Variants in PPARGC1A observed in about 807,000 individuals in gnomAD.
PPARGC1A encodes the protein PPARG coactivator 1 alpha.
In PPARGC1A, 25 loss-of-function variants were observed where a neutral mutation model predicts 88.7. That is an observed-to-expected ratio of 0.28 (90% confidence interval 0.21 to 0.39). The LOEUF (loss-of-function observed/expected upper bound fraction) is 0.39. Among genes scored for constraint, PPARGC1A ranks in the 10% least tolerant of loss-of-function variants. PPARGC1A has a pLI of 1.00. For missense variants in PPARGC1A, 880 were observed against 968.7 expected (o/e 0.91, Z 1.22); for synonymous variants, 363 against 355.6 (o/e 1.02, Z -0.24).
chr4:24,345,503 T>C, the PPARGC1A span, among the ~76,000 whole-genome samples: 3 of 152,234 alleles, frequency 2.0e-5, no homozygotes, highest in African/African-American at 7.2e-5. Flanking sequence ...TCCTAAAAAG[T>C]TTTTTAGTTT....
the PPARGC1A span, among the ~76,000 whole-genome samples, chr4:23,960,353 C>G: frequency 6.6e-6 from 1 of 152,046 alleles, no homozygotes; most frequent in Non-Finnish European, 1.5e-5. Flanking sequence ...CTACATCACA[C>G]AGAACAGCCT....
At chr4:23,799,915 C>T (rs956342334) in intron 12 of PPARGC1A, among the ~76,000 whole-genome samples, 4 of 152,136 alleles carry the variant, frequency 2.6e-5, no homozygotes, top group African/African-American at 9.6e-5. Flanking sequence ...GACTTCAATC[C>T]GTCTTGACTG....
chr4:24,093,412 G>C, the PPARGC1A span, among the ~76,000 whole-genome samples: 1 of 152,146 alleles, frequency 6.6e-6, no homozygotes, highest in East Asian at 1.9e-4. Flanking sequence ...TATCCTTTTA[G>C]TAATCACAAG....
chr4:23,904,845 A>G (rs1414576136), upstream of PPARGC1A, among the ~76,000 whole-genome samples: 6 of 152,212 alleles, frequency 3.9e-5, no homozygotes, highest in Non-Finnish European at 7.3e-5. Context: ...GTATAAAATT[A>G]CTTAATTCAG....
the PPARGC1A span, among the ~76,000 whole-genome samples, chr4:23,955,976 TAA>T: frequency 6.6e-5 from 10 of 152,256 alleles, no homozygotes; most frequent in African/African-American, 1.9e-4. Context: ...CTCTGCCATG[TAA>T]ATCAAAAGCA....
chr4:23,834,037 C>T (rs570218635), intron 2 of PPARGC1A, among the ~76,000 whole-genome samples: 6 of 152,210 alleles, frequency 3.9e-5, no homozygotes, highest in African/African-American at 9.6e-5. Context: ...CGGTGGTTCA[C>T]GCCTATAATC....
the PPARGC1A span, among the ~76,000 whole-genome samples, chr4:24,131,124 G>GT: frequency 6.6e-6 from 1 of 151,962 alleles, no homozygotes; most frequent in Non-Finnish European, 1.5e-5. Flanking sequence ...TTGGCTCTAG[G>GT]TGCCATGTCT....
chr4:24,409,316 G>A, the PPARGC1A span, among the ~76,000 whole-genome samples: 18 of 152,154 alleles, frequency 1.2e-4, no homozygotes, highest in African/African-American at 4.1e-4. Context: ...GACAGTAAAT[G>A]GAGTTAAAAG....
At chr4:24,303,247 T>A in the PPARGC1A span, among the ~76,000 whole-genome samples, 16 of 152,142 alleles carry the variant, frequency 1.1e-4, no homozygotes, top group African/African-American at 3.9e-4. Context: ...TTTACAGAAA[T>A]TAGTTGCAAA....
the PPARGC1A span, among the ~76,000 whole-genome samples, chr4:24,445,828 G>A: frequency 6.6e-6 from 1 of 152,180 alleles, no homozygotes; most frequent in Non-Finnish European, 1.5e-5. Flanking sequence ...TGCACTTTGG[G>A]AGGCTGAGGC....
At chr4:24,229,391 T>G in the PPARGC1A span, among the ~76,000 whole-genome samples, 1 of 149,810 alleles carries the variant, frequency 6.7e-6, no homozygotes, top group South Asian at 2.2e-4. Flanking sequence ...TCAGGTGATC[T>G]GCCCACCTCG....
chr4:23,927,050 G>A, the PPARGC1A span, among the ~76,000 whole-genome samples: 1 of 152,218 alleles, frequency 6.6e-6, no homozygotes, highest in African/African-American at 2.4e-5. Context: ...AAATATCTAA[G>A]TCAAAAATGC....
At chr4:23,823,631 T>A (rs1723403125) in intron 7 of PPARGC1A, among the ~76,000 whole-genome samples, 1 of 152,084 alleles carries the variant, frequency 6.6e-6, no homozygotes, top group African/African-American at 2.4e-5. Flanking sequence ...TAAGAAATGA[T>A]GTTAAGTATA....
At chr4:24,075,695 T>A in the PPARGC1A span, among the ~76,000 whole-genome samples, 1 of 152,096 alleles carries the variant, frequency 6.6e-6, no homozygotes, top group Non-Finnish European at 1.5e-5. Context: ...AAAAGGGAAT[T>A]CCCCTGTGCA....
chr4:24,331,126 A>G, the PPARGC1A span, among the ~76,000 whole-genome samples: 1 of 152,132 alleles, frequency 6.6e-6, no homozygotes, highest in Middle Eastern at 3.2e-3. Flanking sequence ...TAAATCTCCT[A>G]TTTTGATTTT....
the PPARGC1A span, among the ~76,000 whole-genome samples, chr4:24,077,265 T>C: frequency 2.0e-5 from 3 of 152,128 alleles, no homozygotes; most frequent in Non-Finnish European, 4.4e-5. Context: ...GTTTACTCTT[T>C]CGTTTTCAAG....
chr4:24,422,720 T>C, the PPARGC1A span, among the ~76,000 whole-genome samples: 3 of 151,850 alleles, frequency 2.0e-5, no homozygotes, highest in Non-Finnish European at 4.4e-5. Flanking sequence ...AATAATTTAG[T>C]ACAGAATTTG....
the PPARGC1A span, among the ~76,000 whole-genome samples, chr4:24,026,076 T>A: frequency 6.6e-6 from 1 of 152,208 alleles, no homozygotes; most frequent in South Asian, 2.1e-4. Context: ...AATTAAAATA[T>A]TTTACCTAAA....
the PPARGC1A span, among the ~76,000 whole-genome samples, chr4:24,381,295 C>G: frequency 1.3e-5 from 2 of 152,316 alleles, no homozygotes; most frequent in Middle Eastern, 6.8e-3. Flanking sequence ...TGAACAGGAG[C>G]TTATGGATAA....
Sources: allele counts gnomAD v4.1 joint callset (sites outside exome capture counted in the v4.1 genomes callset), GRCh38; gene constraint gnomAD v4.1.1; transcripts MANE v1.5; gene names NCBI Gene and HGNC (gene_info 2026-07-23, HGNC 2026-07-21).